Variants in DLGAP1 observed in about 807,000 individuals in gnomAD.
DLGAP1 encodes disks large-associated protein 1.
Under a neutral mutation model 90.8 loss-of-function variants are expected in DLGAP1, and 11 were observed. That is an observed-to-expected ratio of 0.12 (90% confidence interval 0.08 to 0.20). The LOEUF is 0.20. DLGAP1 is among the 10% of genes least tolerant of loss of function. The pLI, the probability that DLGAP1 is intolerant of heterozygous loss-of-function variation, is 1.00. For missense variants in DLGAP1, 1,050 were observed against 1,333.8 expected (o/e 0.79, Z 3.31); for synonymous variants, 558 against 540.7 (o/e 1.03, Z -0.44).
chr18:3,830,946 A>ATT (rs1423362695), intron 4 of DLGAP1, among the ~76,000 whole-genome samples: 1 of 152,220 alleles, frequency 6.6e-6, no homozygotes, highest in Non-Finnish European at 1.5e-5. Flanking sequence ...GGTTGTACCT[A>ATT]TTTTATTCAA....
At chr18:3,606,298 TC>T (rs1306859988) in intron 7 of DLGAP1, among the ~76,000 whole-genome samples, 7 of 152,124 alleles carry the variant, frequency 4.6e-5, no homozygotes, top group African/African-American at 1.7e-4. Context: ...TTAGAACCCT[TC>T]CCCGCTTCCT....
chr18:3,790,618 T>C (rs1299781253), intron 5 of DLGAP1, among the ~76,000 whole-genome samples: 1 of 152,168 alleles, frequency 6.6e-6, no homozygotes, highest in Non-Finnish European at 1.5e-5. Context: ...TAGGTCATGA[T>C]TTTCATTATC....
intron 2 of DLGAP1, among the ~76,000 whole-genome samples, chr18:4,061,125 GC>G (rs1568375103): frequency 1.3e-5 from 2 of 152,210 alleles, no homozygotes; most frequent in Admixed American, 1.3e-4. Context: ...AATTAGAATT[GC>G]CTACTTACCA....
chr18:4,206,920 T>C (rs146141683), intron 1 of DLGAP1, among the ~76,000 whole-genome samples: 10 of 152,234 alleles, frequency 6.6e-5, no homozygotes, highest in East Asian at 3.9e-4. Flanking sequence ...TGGGGAGCAA[T>C]TGAATATGTT....
chr18:3,648,719 T>G (rs1262797263), intron 7 of DLGAP1, among the ~76,000 whole-genome samples: 1 of 152,228 alleles, frequency 6.6e-6, no homozygotes, highest in Non-Finnish European at 1.5e-5. Context: ...GAGTTTTGTT[T>G]ACATTGAAAA....
rs116899282 is a variant in DLGAP1 at position 4,192,226 on chromosome 18, A to G, written c.-266-40939T>C. ...ATCCTCAGAAAAGCATTTAAATAAA[A>G]AACACAAAACCATTGTCTGAATTTC... On this transcript the variant is annotated intron_variant, in intron 1 of 12. Coordinates refer to ENST00000315677, the MANE Select transcript of DLGAP1 (RefSeq NM_004746.4). 9.9e-5 allele frequency among the ~76,000 whole-genome samples: 15 copies of G among 152,250 alleles called. No homozygotes were observed. In the East Asian group the frequency reaches 2.9e-3, roughly 29 times the overall value.
intron 5 of DLGAP1, among the ~76,000 whole-genome samples, chr18:3,754,026 G>T (rs1174863710): frequency 6.6e-6 from 1 of 152,060 alleles, no homozygotes; most frequent in Non-Finnish European, 1.5e-5. Flanking sequence ...TTGAGACAGG[G>T]TCTCACTCCC....
At chr18:4,151,379 C>T (rs2076672592) in intron 1 of DLGAP1, 92 bp from the exon 2 acceptor site, 1 of 152,066 alleles carries the variant, frequency 6.6e-6, no homozygotes, top group African/African-American at 2.4e-5. Context: ...TTCTGACACA[C>T]ATTATATTCA....
intron 4 of DLGAP1, among the ~76,000 whole-genome samples, chr18:3,856,705 C>CA (rs2069664458): frequency 6.6e-6 from 1 of 151,856 alleles, no homozygotes; most frequent in East Asian, 1.9e-4. Context: ...ACTAAAAATA[C>CA]AAAAAATTAG....
chr18:4,424,870 G>C lies in DLGAP1; in HGVS notation c.-267+30136C>G, dbSNP rs1417612401. Among the ~76,000 whole-genome samples the C allele has an allele frequency of 2.0e-5, 3 of 152,000 alleles. No individual in the cohort carries two copies. The East Asian group carries it at 5.8e-4, about 29-fold the overall frequency. On this transcript the variant is annotated intron_variant, in intron 1 of 12. Transcript: ENST00000315677. Reference sequence around the variant, plus strand: ...ATTTACTTCACAAAACCAATTTATTGCTAAATTTCCCTAGCAGCATCCATC... The same window carrying C: ...ATTTACTTCACAAAACCAATTTATTCCTAAATTTCCCTAGCAGCATCCATC...
At chr18:3,535,186 C>T (rs987981872) in intron 9 of DLGAP1, among the ~76,000 whole-genome samples, 2 of 151,308 alleles carry the variant, frequency 1.3e-5, no homozygotes, top group African/African-American at 2.4e-5. Context: ...GTGAAGAGCA[C>T]GAATCTCATT....
Position 3,523,651 on chromosome 18 carries a change from T to C in DLGAP1, c.2479+10543A>G, listed in dbSNP as rs374341865. On this transcript the variant is annotated intron_variant, in intron 10 of 12. Coordinates refer to ENST00000315677, the MANE Select transcript of DLGAP1 (RefSeq NM_004746.4). ...TCACGAGGTCAGGAGATCGAGACCA[T>C]CCTGGCTAACACGGTGAAACCCCGT... Among the ~76,000 whole-genome samples the C allele has an allele frequency of 2.5e-3, 373 of 151,618 alleles. 2 individuals carry two copies. Among genetic ancestry groups the C allele is most frequent in the South Asian group, 8.6e-3 (41 of 4,792 alleles).
At chr18:4,159,354 T>C (rs1464358899) in intron 1 of DLGAP1, among the ~76,000 whole-genome samples, 2 of 152,222 alleles carry the variant, frequency 1.3e-5, no homozygotes, top group African/African-American at 2.4e-5. Context: ...TCTCCAATAC[T>C]GTAAACTCCA....
At chr18:3,579,983 G>A (rs982821561) in intron 8 of DLGAP1, among the ~76,000 whole-genome samples, 2 of 152,080 alleles carry the variant, frequency 1.3e-5, no homozygotes, top group African/African-American at 4.8e-5. Flanking sequence ...TATGTGGCTC[G>A]ATGACCCCGG....
chr18:3,583,180 A>ACCTTCCTTCCTTCCTT (rs1447719277), intron 7 of DLGAP1, among the ~76,000 whole-genome samples: 51 of 132,892 alleles, frequency 3.8e-4, no homozygotes, highest in African/African-American at 1.5e-3. Context: ...CTACCTACCT[A>ACCTTCCTTCCTTCCTT]CCTACCTTCC....
intron 3 of DLGAP1, among the ~76,000 whole-genome samples, chr18:3,920,634 T>C (rs1163754300): frequency 2.0e-5 from 3 of 152,170 alleles, no homozygotes; most frequent in Non-Finnish European, 1.5e-5. Context: ...TGCCTTGCAC[T>C]TGGCGTTCAG....
Position 3,727,485 on chromosome 18 carries a change from G to A in DLGAP1, c.1591+1650C>T, listed in dbSNP as rs1224425788. 6.6e-6 allele frequency among the ~76,000 whole-genome samples: 1 copy of A among 152,102 alleles called. No homozygotes were observed. The highest frequency in any genetic ancestry group is 2.4e-5 in the African/African-American group (1 of 41,390). ...CCTGAGAGCACCCCTTGTGACTTCT[G>A]GGCCAGGATCTGCATTTTACATATT... On this transcript the variant is annotated intron_variant, in intron 7 of 12. Transcript: ENST00000315677. This position sits in a 1 kb window ranked among gnomAD's most constrained non-coding sequence, Gnocchi z 4.7.
At chr18:3,980,153 A>G (rs2073694229) in intron 3 of DLGAP1, among the ~76,000 whole-genome samples, 1 of 152,164 alleles carries the variant, frequency 6.6e-6, no homozygotes, top group African/African-American at 2.4e-5. Flanking sequence ...AAATAAATAA[A>G]TAAACAAAAA....
intron 2 of DLGAP1, among the ~76,000 whole-genome samples, chr18:4,117,699 T>TA (rs2076085041): frequency 6.6e-6 from 1 of 152,218 alleles, no homozygotes; most frequent in Admixed American, 6.5e-5. Flanking sequence ...GACGGACTAC[T>TA]AGCTTGGATT....
Sources: allele counts gnomAD v4.1 joint callset (sites outside exome capture counted in the v4.1 genomes callset), GRCh38; gene constraint gnomAD v4.1.1; non-coding constraint Gnocchi (gnomAD v3.1); transcripts MANE v1.5; gene names NCBI Gene and HGNC (gene_info 2026-07-23, HGNC 2026-07-21).